TMEM74: variants seen among roughly 807,000 people sequenced by gnomAD.
TMEM74 encodes transmembrane protein 74.
Under a neutral mutation model 18.1 loss-of-function variants are expected in TMEM74, and 13 were observed. The ratio of observed to expected loss-of-function variants is 0.72; its 90% CI spans 0.47 to 1.14. TMEM74 has a LOEUF of 1.14. Ranked by LOEUF, TMEM74 falls within the 50% of genes most tolerant of loss-of-function variation. TMEM74 has a pLI of 0.00. For missense variants in TMEM74, 372 were observed against 375.9 expected (o/e 0.99, Z 0.09); for synonymous variants, 159 against 146.6 (o/e 1.08, Z -0.61).
chr8:108,630,946 GT>G (rs545799080), intron 2 of TMEM74, among the ~76,000 whole-genome samples: 35 of 152,012 alleles, frequency 2.3e-4, no homozygotes, highest in African/African-American at 7.7e-4. Context: ...ACAAGACCCT[GT>G]TTCATTGTGG....
At position 108,784,315 on chromosome 8, in the gene TMEM74, G is replaced by C; in HGVS notation, c.784C>G (p.Arg262Gly). The C allele has an allele frequency of 6.2e-7, 1 of 1,613,982 alleles. No homozygotes were observed. Among genetic ancestry groups the C allele is most frequent in the South Asian group, 1.1e-5 (1 of 91,054 alleles). Reference protein sequence around the residue: ...MSMWKGELYRRNRFASSKESA... With the variant: ...MSMWKGELYRGNRFASSKESA... ...TCTTTGGAAGAGGCAAATCTGTTTC[G>C]ACGATAGAGCTCCCCCTTCCACATG... Residue 262 changes from arginine (R) to glycine (G), a missense_variant, in exon 2 of 2, where the codon CGA becomes GGA. By Grantham distance (125) the Arg-to-Gly change is moderately radical (BLOSUM62 -2). Transcript: ENST00000297459.
chr8:108,679,383 A>G (rs1813089733), intron 1 of TMEM74, among the ~76,000 whole-genome samples: 2 of 152,092 alleles, frequency 1.3e-5, no homozygotes, highest in African/African-American at 4.8e-5. Context: ...AAGTGTTCCT[A>G]TTTCTCCACA....
In TMEM74 at chr8:108,784,091, G is replaced by A. The variant is rs1814343117; in HGVS notation, c.*90C>T. 2.6e-6 allele frequency: 3 copies of A among 1,163,626 alleles called. No individual in the cohort carries two copies. In the South Asian group the frequency reaches 5.2e-5, roughly 20 times the overall value. The allele number at this position is 1,163,626 out of a possible 1,614,324, so 72.1% of individuals were successfully genotyped here. A position where few individuals can be genotyped will look rare whatever the true frequency, so the allele number is the denominator to read the frequency against. ...TTGTGAAATAAACTTTTCTTGCCAG[G>A]CAAATAAATTGCACTGTGAATTTTT... is the stretch of plus-strand genomic sequence containing the variant. On this transcript the variant is annotated 3_prime_UTR_variant, in exon 2 of 2. Coordinates refer to ENST00000297459, the MANE Select transcript of TMEM74 (RefSeq NM_153015.3).
At chr8:108,623,626 C>G (rs1269371202) in intron 2 of TMEM74, among the ~76,000 whole-genome samples, 3 of 152,056 alleles carry the variant, frequency 2.0e-5, no homozygotes, top group African/African-American at 4.8e-5. Flanking sequence ...GTATCTTTCA[C>G]TCCTAATTGA....
At position 108,643,140 on chromosome 8, in the gene TMEM74, A is replaced by G. The variant is rs376148521; in HGVS notation, n.264+12153T>C. The stretch of plus-strand genomic sequence containing the variant: ...ATTTCAAGAGTATACAGTCCACGCT[A>G]GAGAAATACATAGCCTAACCCAGTG... On this transcript the variant is annotated intron_variant and non_coding_transcript_variant, in intron 2 of 3. Coordinates refer to the TMEM74 transcript ENST00000518838. Among the ~76,000 whole-genome samples, 91 of 152,342 alleles carry G rather than the reference A, an allele frequency of 6.0e-4. 1 individual carries two copies. The highest frequency in any genetic ancestry group is 2.1e-3 in the African/African-American group (87 of 41,594).
chr8:108,673,593 G>A (rs1302439436), intron 1 of TMEM74, among the ~76,000 whole-genome samples: 1 of 152,198 alleles, frequency 6.6e-6, no homozygotes, highest in East Asian at 1.9e-4. Flanking sequence ...AGAAACAGGA[G>A]CACGTATTTT....
intron 1 of TMEM74, among the ~76,000 whole-genome samples, chr8:108,738,749 A>C (rs1813771619): frequency 6.6e-6 from 1 of 152,210 alleles, no homozygotes; most frequent in African/African-American, 2.4e-5. Flanking sequence ...TAGTGAAATA[A>C]CAAAATAAAA....
chr8:108,617,060 A>G (rs1042186968), intron 2 of TMEM74, among the ~76,000 whole-genome samples: 2 of 151,946 alleles, frequency 1.3e-5, no homozygotes, highest in Non-Finnish European at 1.5e-5. Context: ...GAGATGATCT[A>G]TTCTCGGCAT....
chr8:108,661,277 T>C (rs1009938663), intron 1 of TMEM74, among the ~76,000 whole-genome samples: 3 of 152,172 alleles, frequency 2.0e-5, no homozygotes, highest in East Asian at 1.9e-4. Flanking sequence ...TAAAAGCAGC[T>C]TTATGCAGCC....
chr8:108,764,507 AT>A (rs1034021107), intron 1 of TMEM74, among the ~76,000 whole-genome samples: 8 of 152,158 alleles, frequency 5.3e-5, no homozygotes, highest in African/African-American at 1.9e-4. Flanking sequence ...TGCCATGTAC[AT>A]TTTTTTCCTG....
chr8:108,747,967 T>C (rs1267415839), intron 1 of TMEM74, among the ~76,000 whole-genome samples: 3 of 152,154 alleles, frequency 2.0e-5, no homozygotes, highest in Non-Finnish European at 4.4e-5. Flanking sequence ...TTATCATTGA[T>C]GGGTATTTAG....
intron 1 of TMEM74, among the ~76,000 whole-genome samples, chr8:108,686,427 C>G (rs1482367278): frequency 6.6e-6 from 1 of 152,074 alleles, no homozygotes; most frequent in Non-Finnish European, 1.5e-5. Context: ...TGGTCTCGAT[C>G]TCCTGACCTC....
chr8:108,655,101 C>G (rs1812809052), intron 2 of TMEM74, among the ~76,000 whole-genome samples: 1 of 151,976 alleles, frequency 6.6e-6, no homozygotes, highest in South Asian at 2.1e-4. Context: ...TCCTTATATT[C>G]ATAAGTAAAT....
chr8:108,678,363 A>T (rs1021602412), intron 1 of TMEM74, among the ~76,000 whole-genome samples: 4 of 151,868 alleles, frequency 2.6e-5, no homozygotes, highest in Non-Finnish European at 5.9e-5. Flanking sequence ...TGCCATTATT[A>T]TTATTTATTT....
exon 2 of TMEM74, chr8:108,655,352 C>T (rs1812811161): frequency 6.6e-6 from 1 of 152,120 alleles, no homozygotes; most frequent in Non-Finnish European, 1.5e-5. Context: ...CTGCTGGAAT[C>T]CCAGGACTTT....
At chr8:108,656,945 T>C (rs1275801703) in intron 1 of TMEM74, among the ~76,000 whole-genome samples, 1 of 152,158 alleles carries the variant, frequency 6.6e-6, no homozygotes, top group East Asian at 1.9e-4. Context: ...CCAGAAGCCA[T>C]TTTTATAAAA....
At chr8:108,773,094 A>T (rs1586293121) in intron 1 of TMEM74, among the ~76,000 whole-genome samples, 1 of 152,136 alleles carries the variant, frequency 6.6e-6, no homozygotes, top group Non-Finnish European at 1.5e-5. Flanking sequence ...GGCACTGAAA[A>T]GGAGAGGAAG....
In TMEM74 at chr8:108,779,801, C is replaced by T. The variant is rs984576031; in HGVS notation, c.*4380G>A. 2.6e-5 allele frequency among the ~76,000 whole-genome samples: 4 copies of T among 152,140 alleles called. No homozygotes were observed. The highest frequency in any genetic ancestry group is 9.7e-5 in the African/African-American group (4 of 41,432). On this transcript the variant is annotated 3_prime_UTR_variant, in exon 2 of 2. Coordinates refer to ENST00000297459, the MANE Select transcript of TMEM74 (RefSeq NM_153015.3). ...TAAATCTGCACACAAACATAAACCACGAGTACACTCTTGAGTGTAAGCCAC... is the reference window on the plus strand; with the variant it reads ...TAAATCTGCACACAAACATAAACCATGAGTACACTCTTGAGTGTAAGCCAC...
chr8:108,707,767 C>A (rs1334126028), intron 1 of TMEM74, among the ~76,000 whole-genome samples: 2 of 152,118 alleles, frequency 1.3e-5, no homozygotes, highest in East Asian at 3.9e-4. Context: ...GTAAAATCTT[C>A]TTGTCGTTGG....
Sources: gnomAD v4.1 joint callset for allele counts (sites outside exome capture counted in the v4.1 genomes callset) on GRCh38, gnomAD v4.1.1 for gene constraint, MANE v1.5 for transcripts, NCBI Gene and HGNC (gene_info 2026-07-23, HGNC 2026-07-21) for gene names.